TTC39B: variants seen among roughly 807,000 people sequenced by gnomAD.
TTC39B encodes the protein tetratricopeptide repeat protein 39B.
In TTC39B, 92 loss-of-function variants were observed where a neutral mutation model predicts 96.6. That is an observed-to-expected ratio of 0.95 (90% CI 0.80 to 1.13). The LOEUF (loss-of-function observed/expected upper bound fraction) is 1.13, where lower values mean the gene tolerates loss of function less well. Ranked by LOEUF, TTC39B falls within the 50% of genes most tolerant of loss-of-function variation. The pLI, the probability that TTC39B is intolerant of heterozygous loss-of-function variation, is 0.00. For synonymous variants in TTC39B, 367 were observed against 299.4 expected (o/e 1.23, Z -2.33); for missense variants, 955 against 809.3 (o/e 1.18, Z -2.18).
intron 4 of TTC39B, among the ~76,000 whole-genome samples, chr9:15,212,550 C>T (rs914572918): frequency 2.0e-5 from 3 of 152,148 alleles, no homozygotes; most frequent in Admixed American, 1.3e-4. Flanking sequence ...CTCGGCTTCC[C>T]GAGTAGCTGG....
Position 15,274,675 on chromosome 9 carries a change from G to A in TTC39B, c.241-6727C>T, listed in dbSNP as rs188961942. On this transcript the variant is annotated intron_variant, in intron 1 of 19. Transcript: ENST00000512701. ...AACGACTGTTGTTGGTCCTTGCAGG[G>A]AACAAAACATGACCTTCTCAAATTT... Among the ~76,000 whole-genome samples, 70 of 151,958 alleles carry A rather than the reference G, an allele frequency of 4.6e-4. 4 individuals are homozygous for A. In the East Asian group the frequency reaches 7.7e-3, roughly 17 times the overall value.
chr9:15,247,339 A>G (rs773287369), intron 2 of TTC39B, among the ~76,000 whole-genome samples: 1 of 152,226 alleles, frequency 6.6e-6, no homozygotes, highest in Non-Finnish European at 1.5e-5. Context: ...CATTCTAAGG[A>G]AGAACATTCT....
intron 16 of TTC39B, chr9:15,183,296 A>G (rs1169208315): frequency 2.4e-6 from 1 of 413,232 alleles, no homozygotes; most frequent in Non-Finnish European, 4.7e-6. Context: ...ACATGTAACA[A>G]TTTATTGCTG....
chr9:15,198,443 C>A (rs184619779), intron 8 of TTC39B, among the ~76,000 whole-genome samples: 1 of 139,342 alleles, frequency 7.2e-6, no homozygotes, highest in East Asian at 2.1e-4. Context: ...GGCAACAAAG[C>A]AAGGTCTCGG....
chr9:15,302,142 G>T (rs1442828350), intron 1 of TTC39B, among the ~76,000 whole-genome samples: 1 of 151,474 alleles, frequency 6.6e-6, no homozygotes, highest in Non-Finnish European at 1.5e-5. Flanking sequence ...GGCCAACATG[G>T]TGAAACCCCA....
At chr9:15,280,922 G>A (rs1823738536) in intron 1 of TTC39B, among the ~76,000 whole-genome samples, 2 of 152,110 alleles carry the variant, frequency 1.3e-5, no homozygotes, top group Non-Finnish European at 2.9e-5. Context: ...TCTCATCACA[G>A]TGCTTCCCAA....
chr9:15,203,320 G>A (rs1392287923), intron 7 of TTC39B, among the ~76,000 whole-genome samples: 2 of 152,110 alleles, frequency 1.3e-5, no homozygotes, highest in Admixed American at 6.5e-5. Flanking sequence ...GTAGGACCTC[G>A]GCTCACGGAA....
chr9:15,218,587 T>C (rs971674722), intron 3 of TTC39B, among the ~76,000 whole-genome samples: 1 of 135,792 alleles, frequency 7.4e-6, no homozygotes, highest in East Asian at 2.0e-4. Flanking sequence ...GTTTCTAATT[T>C]AAAAGATATG....
At chr9:15,224,954 C>T (rs1285833327) in intron 3 of TTC39B, among the ~76,000 whole-genome samples, 1 of 152,062 alleles carries the variant, frequency 6.6e-6, no homozygotes, top group Non-Finnish European at 1.5e-5. Flanking sequence ...ATTTCAAATG[C>T]AAAATCCAAA....
At chr9:15,213,054 C>T (rs1820299417) in intron 4 of TTC39B, among the ~76,000 whole-genome samples, 1 of 152,040 alleles carries the variant, frequency 6.6e-6, no homozygotes, top group Non-Finnish European at 1.5e-5. Context: ...ACACTGTATA[C>T]AGGTAAGGAA....
At chr9:15,275,429 C>T (rs1254783172) in intron 1 of TTC39B, among the ~76,000 whole-genome samples, 2 of 151,986 alleles carry the variant, frequency 1.3e-5, no homozygotes, top group Non-Finnish European at 2.9e-5. Context: ...TCATTTTTAC[C>T]AAAAAATCAC....
At chr9:15,202,931 T>C (rs1819627680) in intron 7 of TTC39B, among the ~76,000 whole-genome samples, 1 of 152,164 alleles carries the variant, frequency 6.6e-6, no homozygotes, top group Non-Finnish European at 1.5e-5. Context: ...CTGTATCAGT[T>C]CCCAGAGGTG....
chr9:15,204,198 A>T (rs191890212), intron 6 of TTC39B, among the ~76,000 whole-genome samples: 1 of 152,312 alleles, frequency 6.6e-6, no homozygotes, highest in African/African-American at 2.4e-5. Context: ...GCACTTTTTT[A>T]AAAAAGGAAA....
At chr9:15,241,792 G>C (rs1369083208) in intron 2 of TTC39B, among the ~76,000 whole-genome samples, 2 of 148,964 alleles carry the variant, frequency 1.3e-5, no homozygotes, top group African/African-American at 5.0e-5. Flanking sequence ...ACCCAGGCTG[G>C]AGTGCAGTAG....
At chr9:15,278,823 T>C (rs764177024) in intron 1 of TTC39B, among the ~76,000 whole-genome samples, 2 of 152,236 alleles carry the variant, frequency 1.3e-5, no homozygotes, top group Non-Finnish European at 2.9e-5. Context: ...ATTTCACCTC[T>C]ACAATTACTA....
chr9:15,216,340 A>G (rs544980232), intron 3 of TTC39B, among the ~76,000 whole-genome samples: 13 of 152,206 alleles, frequency 8.5e-5, no homozygotes, highest in Non-Finnish European at 1.8e-4. Flanking sequence ...ATGGACGGGT[A>G]CAACTGCTCT....
chr9:15,226,981 GGTT>G (rs538985702), intron 2 of TTC39B, among the ~76,000 whole-genome samples: 313 of 152,036 alleles, frequency 2.1e-3, no homozygotes, highest in Middle Eastern at 0.01. Context: ...GTTTTTTTGT[GGTT>G]GTTTTTTGTT....
At position 15,225,830 on chromosome 9, in the gene TTC39B, G is replaced by A. The variant is rs77130544; in HGVS notation, c.371+87C>T. The A allele has an allele frequency of 2.3e-3, 2,801 of 1,241,266 alleles. 58 individuals carry two copies. In the African/African-American group the frequency reaches 0.037, roughly 16 times the overall value. 76.9% of individuals were successfully genotyped at this position (1,241,266 alleles called of 1,614,324 possible). A position where few individuals can be genotyped will look rare whatever the true frequency, so the allele number is the denominator to read the frequency against. ...ACCTCATTGGTTTGTCAAACGCAATGCACTATGCAAATATCAGTATTATAT... is the reference window on the plus strand; with the variant it reads ...ACCTCATTGGTTTGTCAAACGCAATACACTATGCAAATATCAGTATTATAT... On this transcript the variant is annotated intron_variant, in intron 3 of 19. Transcript: ENST00000512701.
At chr9:15,293,576 G>A (rs985442627) in intron 1 of TTC39B, among the ~76,000 whole-genome samples, 4 of 148,148 alleles carry the variant, frequency 2.7e-5, no homozygotes, top group Admixed American at 2.0e-4. Flanking sequence ...AGCAAGAATC[G>A]CTGGCGGTGA....
Sources: gnomAD v4.1 joint callset for allele counts (sites outside exome capture counted in the v4.1 genomes callset) on GRCh38, gnomAD v4.1.1 for gene constraint, MANE v1.5 for transcripts, NCBI Gene and HGNC (gene_info 2026-07-23, HGNC 2026-07-21) for gene names.